KANSL1: variants seen among roughly 807,000 people sequenced by gnomAD.
The protein encoded by KANSL1 is MLL1/MLL complex subunit KANSL1.
In KANSL1, 22 loss-of-function variants were observed where a neutral mutation model predicts 103.6. The ratio of observed to expected loss-of-function variants is 0.21; its 90% confidence interval spans 0.15 to 0.30. The LOEUF (loss-of-function observed/expected upper bound fraction) is 0.30. Among genes scored for constraint, KANSL1 ranks in the 10% least tolerant of loss-of-function variants. KANSL1 has a pLI of 1.00. For missense variants in KANSL1, 1,337 were observed against 1,399.8 expected, an observed-to-expected ratio of 0.96 and a Z score of 0.72; for synonymous variants, 600 against 527.6, an observed-to-expected ratio of 1.14 and a Z score of -1.88.
At chr17:46,064,761 C>T (rs2078312426) in intron 6 of KANSL1, among the ~76,000 whole-genome samples, 1 of 152,138 alleles carries the variant, frequency 6.6e-6, no homozygotes, top group South Asian at 2.1e-4. Flanking sequence ...AGGAGGAATA[C>T]CTAAGCTCTG....
chr17:46,042,621 C>G (rs10514899), intron 7 of KANSL1: 52,538 of 151,984 alleles, frequency 0.35, 9,617 homozygotes, highest in South Asian at 0.58. Flanking sequence ...AAATTACTCC[C>G]AAGAAATAGA....
At chr17:46,132,800 A>G (rs2043930099) in intron 2 of KANSL1, among the ~76,000 whole-genome samples, 1 of 152,156 alleles carries the variant, frequency 6.6e-6, no homozygotes, top group Non-Finnish European at 1.5e-5. Context: ...AGAATTAGCT[A>G]GGCATGGTGG....
Position 46,130,187 on chromosome 17 carries a change from C to CAAAAAAAAAAAAAAAAAAAAAAA in KANSL1, c.1290-35487_1290-35486insTTTTTTTTTTTTTTTTTTTTTTT, listed in dbSNP as rs35017603. 8.2e-4 allele frequency among the ~76,000 whole-genome samples: 62 copies of CAAAAAAAAAAAAAAAAAAAAAAA among 75,428 alleles called. 1 individual carries two copies. Among genetic ancestry groups the CAAAAAAAAAAAAAAAAAAAAAAA allele is most frequent in the Non-Finnish European group, 1.5e-3 (54 of 36,946 alleles). The allele number at this position is 75,428 out of a possible 152,430, so 49.5% of individuals were successfully genotyped here. On this transcript the variant is annotated intron_variant, in intron 2 of 14. Transcript: ENST00000432791. ...GGGCAAAAGAATGAGATCCTGTCTCCAAAAAAAAAAAAAAAAAAAAAGGAA... is the reference window on the plus strand; with the variant it reads ...GGGCAAAAGAATGAGATCCTGTCTCCAAAAAAAAAAAAAAAAAAAAAAAAAAAAAAAAAAAAAAAAAAAAGGAA...
chr17:46,190,980 T>C (rs1347621713), intron 1 of KANSL1, among the ~76,000 whole-genome samples: 2 of 152,206 alleles, frequency 1.3e-5, no homozygotes, highest in African/African-American at 2.4e-5. Context: ...CCATTGACAA[T>C]GTACATGGTA....
intron 7 of KANSL1, among the ~76,000 whole-genome samples, chr17:46,047,987 G>T (rs1202955666): frequency 6.6e-6 from 1 of 151,306 alleles, no homozygotes; most frequent in Non-Finnish European, 1.5e-5. Context: ...GGCTCACTGC[G>T]GCCAAGACTT....
At chr17:46,053,025 C>T (rs1049774952) in intron 6 of KANSL1, among the ~76,000 whole-genome samples, 1 of 134,090 alleles carries the variant, frequency 7.5e-6, no homozygotes, top group Admixed American at 8.1e-5. Context: ...TGGTGGCTCA[C>T]GCCTGTAATC....
At chr17:46,118,542 G>C (rs368624547) in intron 2 of KANSL1, among the ~76,000 whole-genome samples, 1 of 152,190 alleles carries the variant, frequency 6.6e-6, no homozygotes, top group Non-Finnish European at 1.5e-5. Flanking sequence ...CAGAGTTTCC[G>C]ACTCAGGACA....
chr17:46,207,442 G>A (rs2148006650), intron 1 of KANSL1, among the ~76,000 whole-genome samples: 1 of 151,592 alleles, frequency 6.6e-6, no homozygotes, highest in South Asian at 2.1e-4. Context: ...CCAGGAGGCA[G>A]AGATTGCAGT....
chr17:46,171,494 A>G lies in KANSL1; in HGVS notation c.650T>C (p.Val217Ala). 2 of 1,614,086 alleles carry G rather than the reference A, an allele frequency of 1.2e-6. No homozygotes were observed. Among genetic ancestry groups the G allele is most frequent in the Non-Finnish European group, 1.7e-6 (2 of 1,180,014 alleles). ...ATTGCTATACAAAGTTGTGTGTTCT[A>G]CATCAAGGCTTCTATGTGGAAGAGT... ...NCTLPHRSLD[V>A]EHTTLYSNNS... Residue 217 changes from valine (V) to alanine (A), a missense_variant, in exon 2 of 15, where the codon GTA becomes GCA. Coordinates refer to ENST00000432791, the MANE Select transcript of KANSL1 (RefSeq NM_015443.4).
chr17:46,032,237 G>A lies in KANSL1; in HGVS notation c.2900C>T (p.Pro967Leu), dbSNP rs770177501. Residue 967 changes from proline to leucine, a missense_variant, in exon 14 of 15, where the codon CCC (proline) becomes CTC (leucine). Pro to Leu is a moderately conservative substitution (Grantham distance 98). Transcript: ENST00000432791. ...GCTGACATCAGGGGAGGCAGGCTGGGGGGTGGAGGGGTTGGCACTGCCCAG... is the reference window on the plus strand; with the variant it reads ...GCTGACATCAGGGGAGGCAGGCTGGAGGGTGGAGGGGTTGGCACTGCCCAG... The part of the protein sequence containing the change: ...PQLGSANPST[P>L]QPASPDVSSS... 6.4e-7 allele frequency: 1 copy of A among 1,573,830 alleles called. No homozygotes were observed. The highest frequency in any genetic ancestry group is 8.6e-7 in the Non-Finnish European group (1 of 1,156,762).
At chr17:46,034,678 T>C (rs891033508) in intron 10 of KANSL1, 1 of 203,240 alleles carries the variant, frequency 4.9e-6, no homozygotes, top group African/African-American at 2.4e-5. Flanking sequence ...TTAAGACTCA[T>C]AGTGGCCCCT....
At chr17:46,040,720 C>T (rs535578520) in intron 7 of KANSL1, 60 of 152,346 alleles carry the variant, frequency 3.9e-4, no homozygotes, top group African/African-American at 1.3e-3. Flanking sequence ...TACACTGACT[C>T]TACAGATCAA....
intron 4 of KANSL1, among the ~76,000 whole-genome samples, chr17:46,071,108 C>T (rs2078561005): frequency 6.6e-6 from 1 of 152,170 alleles, no homozygotes; most frequent in Non-Finnish European, 1.5e-5. Context: ...TGCTATTCAG[C>T]TTTAACATGA....
chr17:46,085,490 C>T (rs1568430846), intron 3 of KANSL1, among the ~76,000 whole-genome samples: 1 of 152,010 alleles, frequency 6.6e-6, no homozygotes, highest in Non-Finnish European at 1.5e-5. Flanking sequence ...TTATTATTGC[C>T]TCAGTTTCTT....
intron 1 of KANSL1, among the ~76,000 whole-genome samples, chr17:46,177,049 G>T (rs1276802789): frequency 2.0e-5 from 3 of 152,162 alleles, no homozygotes; most frequent in South Asian, 2.1e-4. Flanking sequence ...TACTCCCAAA[G>T]ATATTCATAA....
chr17:46,109,394 A>G (rs2042707517), intron 2 of KANSL1, among the ~76,000 whole-genome samples: 1 of 152,222 alleles, frequency 6.6e-6, no homozygotes, highest in South Asian at 2.1e-4. Flanking sequence ...TTACTAACAG[A>G]ATCGTGAATT....
intron 1 of KANSL1, among the ~76,000 whole-genome samples, chr17:46,210,472 C>T (rs1188961782): frequency 3.9e-4 from 1 of 2,570 alleles, no homozygotes; most frequent in African/African-American, 2.2e-3. Context: ...GACTCTGTCT[C>T]AAAAAAAAAA....
intron 6 of KANSL1, among the ~76,000 whole-genome samples, chr17:46,059,127 A>G (rs1474680128): frequency 2.0e-5 from 3 of 152,076 alleles, no homozygotes; most frequent in Non-Finnish European, 4.4e-5. Context: ...ATAACACTAG[A>G]GACTTGAAAT....
chr17:46,145,441 C>T (rs776665962), intron 2 of KANSL1, among the ~76,000 whole-genome samples: 2 of 152,330 alleles, frequency 1.3e-5, no homozygotes, highest in African/African-American at 2.4e-5. Flanking sequence ...ATTCCCCAAA[C>T]CTTAATCAAG....
Sources: allele counts gnomAD v4.1 joint callset (sites outside exome capture counted in the v4.1 genomes callset), GRCh38; gene constraint gnomAD v4.1.1; transcripts MANE v1.5; gene names NCBI Gene and HGNC (gene_info 2026-07-23, HGNC 2026-07-21).